Variants in TENM2 observed in about 807,000 individuals in gnomAD.
TENM2 encodes teneurin transmembrane protein 2, also known as teneurin-2.
A neutral mutation model predicts 245.2 loss-of-function variants in TENM2; 52 were observed. The observed-to-expected ratio is 0.21, with a 90% confidence interval of 0.17 to 0.27. The LOEUF (loss-of-function observed/expected upper bound fraction) is 0.27. TENM2 is among the 10% of genes least tolerant of loss of function. The pLI, the probability that TENM2 is intolerant of heterozygous loss-of-function variation, is 1.00. For missense variants in TENM2, 3,046 were observed against 3,666.8 expected (o/e 0.83, Z 4.37); for synonymous variants, 1,363 against 1,438.9 (o/e 0.95, Z 1.19).
chr5:168,055,097 T>C (rs1789424526), intron 6 of TENM2, among the ~76,000 whole-genome samples: 1 of 152,124 alleles, frequency 6.6e-6, no homozygotes, highest in Non-Finnish European at 1.5e-5. Context: ...AGTGAGATCC[T>C]CACAGAATGA....
intron 13 of TENM2, among the ~76,000 whole-genome samples, chr5:168,189,075 C>T (rs1760726083): frequency 6.6e-6 from 1 of 152,130 alleles, no homozygotes; most frequent in African/African-American, 2.4e-5. Flanking sequence ...TTGCTGTGTC[C>T]ACACATGGCA....
intron 2 of TENM2, among the ~76,000 whole-genome samples, chr5:167,550,163 A>G (rs1239197249): frequency 6.6e-6 from 1 of 152,186 alleles, no homozygotes; most frequent in African/African-American, 2.4e-5. Flanking sequence ...TGTCAAAACA[A>G]TCTGTCACAA....
At chr5:168,241,253 CTTTTTG>C (rs1160228716) in intron 25 of TENM2, 3 of 128,924 alleles carry the variant, frequency 2.3e-5, no homozygotes, top group African/African-American at 7.9e-5. Flanking sequence ...TTTTCTTTTT[CTTTTTG>C]TTCTTTTTTT....
At chr5:167,448,216 C>G (rs751721514) in intron 2 of TENM2, among the ~76,000 whole-genome samples, 21 of 151,968 alleles carry the variant, frequency 1.4e-4, no homozygotes, top group Admixed American at 3.9e-4. Context: ...CATTACTGTA[C>G]CAGTGCGACC....
At chr5:167,854,934 T>A (rs1462878276) in intron 2 of TENM2, among the ~76,000 whole-genome samples, 2 of 152,172 alleles carry the variant, frequency 1.3e-5, no homozygotes, top group Non-Finnish European at 2.9e-5. Context: ...TGGATTATTC[T>A]TATGGGTCTC....
At chr5:167,378,823 C>G (rs1038408197) in intron 2 of TENM2, among the ~76,000 whole-genome samples, 1 of 150,840 alleles carries the variant, frequency 6.6e-6, no homozygotes, top group African/African-American at 2.4e-5. Context: ...GTTCTCTTGA[C>G]TCCCTTAGGC....
At chr5:167,233,938 T>A in the TENM2 span, among the ~76,000 whole-genome samples, 1 of 151,142 alleles carries the variant, frequency 6.6e-6, no homozygotes, top group African/African-American at 2.4e-5. Context: ...AGGATGAAAA[T>A]AATAAAAAAA....
the TENM2 span, among the ~76,000 whole-genome samples, chr5:167,031,854 G>A: frequency 1.3e-5 from 2 of 152,140 alleles, no homozygotes; most frequent in Non-Finnish European, 2.9e-5. Context: ...TTGAGCCACT[G>A]CCCCCAGCCT....
intron 13 of TENM2, among the ~76,000 whole-genome samples, chr5:168,188,996 A>G (rs1760720367): frequency 6.6e-6 from 1 of 152,202 alleles, no homozygotes; most frequent in Admixed American, 6.5e-5. Context: ...TGGGAAGTCC[A>G]AGATCAAGGC....
At chr5:167,117,809 A>T in the TENM2 span, among the ~76,000 whole-genome samples, 1 of 152,160 alleles carries the variant, frequency 6.6e-6, no homozygotes, top group East Asian at 1.9e-4. Context: ...ACTAGATGTC[A>T]GGATCATCCC....
chr5:167,473,592 C>T (rs934509035), intron 2 of TENM2, among the ~76,000 whole-genome samples: 14 of 151,940 alleles, frequency 9.2e-5, no homozygotes, highest in African/African-American at 3.4e-4. Flanking sequence ...CGATCTGCTA[C>T]TTGTTTCATA....
intron 5 of TENM2, among the ~76,000 whole-genome samples, chr5:168,037,553 TG>T (rs1787820266): frequency 6.6e-6 from 1 of 151,470 alleles, no homozygotes; most frequent in Admixed American, 6.6e-5. Flanking sequence ...TTTTTTTTTT[TG>T]GCTAATTTTA....
intron 2 of TENM2, among the ~76,000 whole-genome samples, chr5:167,748,232 T>G (rs1761721039): frequency 6.6e-6 from 1 of 152,192 alleles, no homozygotes; most frequent in Non-Finnish European, 1.5e-5. Context: ...CCACCCTACA[T>G]TTTGGTCAAA....
At chr5:167,238,253 TA>T in the TENM2 span, among the ~76,000 whole-genome samples, 11 of 152,176 alleles carry the variant, frequency 7.2e-5, no homozygotes, top group Admixed American at 7.2e-4. Context: ...CATTAAATGA[TA>T]AACATTAGGC....
chr5:168,096,677 A>G (rs1793396157), intron 8 of TENM2, among the ~76,000 whole-genome samples: 1 of 152,222 alleles, frequency 6.6e-6, no homozygotes, highest in Non-Finnish European at 1.5e-5. Context: ...TATCACTCTC[A>G]GGTACCTCCA....
At chr5:167,361,467 C>T (rs1759714051) in intron 1 of TENM2, among the ~76,000 whole-genome samples, 1 of 152,142 alleles carries the variant, frequency 6.6e-6, no homozygotes, top group Non-Finnish European at 1.5e-5. Context: ...GTTTTTGTAA[C>T]TGGACATTTG....
chr5:168,065,856 T>G (rs1295317231), intron 7 of TENM2, among the ~76,000 whole-genome samples: 2 of 148,524 alleles, frequency 1.3e-5, no homozygotes, highest in Admixed American at 6.7e-5. Flanking sequence ...GAACAAAGGT[T>G]TTTTTTTTTT....
intron 2 of TENM2, among the ~76,000 whole-genome samples, chr5:167,381,055 G>A (rs1230335012): frequency 6.6e-6 from 1 of 152,192 alleles, no homozygotes; most frequent in African/African-American, 2.4e-5. Flanking sequence ...ATCAGAAGAA[G>A]CCTGCTCAGA....
intron 2 of TENM2, among the ~76,000 whole-genome samples, chr5:167,737,308 C>T (rs1029777973): frequency 2.0e-5 from 3 of 152,188 alleles, no homozygotes; most frequent in Non-Finnish European, 4.4e-5. Context: ...AGGTGGGAAG[C>T]ATCTTTCTTC....
Sources: gnomAD v4.1 joint callset for allele counts (sites outside exome capture counted in the v4.1 genomes callset) on GRCh38, gnomAD v4.1.1 for gene constraint, MANE v1.5 for transcripts, NCBI Gene and HGNC (gene_info 2026-07-23, HGNC 2026-07-21) for gene names.